The following GOLGA4 variants were observed in gnomAD, a reference collection of about 807,000 sequenced individuals.
The protein encoded by GOLGA4 is golgin A4.
Under a neutral mutation model 265.9 loss-of-function variants are expected in GOLGA4, and 169 were observed. The ratio of observed to expected loss-of-function variants is 0.64; its 90% CI spans 0.56 to 0.72. The LOEUF (loss-of-function observed/expected upper bound fraction) is 0.72. Among genes scored for constraint, GOLGA4 ranks in the 30% least tolerant of loss-of-function variants. The pLI is 0.00. For missense variants in GOLGA4, 2,482 were observed against 2,483.4 expected (o/e 1.00, Z 0.01); for synonymous variants, 923 against 855.8 (o/e 1.08, Z -1.37).
chr3:37,297,695 CCTT>C (rs1378923589), intron 7 of GOLGA4, among the ~76,000 whole-genome samples: 1 of 151,984 alleles, frequency 6.6e-6, no homozygotes, highest in Non-Finnish European at 1.5e-5. Flanking sequence ...TAGGGTTGTC[CCTT>C]CTTCATCTAA....
chr3:37,261,619 C>T (rs1237661167), intron 2 of GOLGA4, among the ~76,000 whole-genome samples: 4 of 152,100 alleles, frequency 2.6e-5, no homozygotes, highest in African/African-American at 7.2e-5. Context: ...ATTTAATTTT[C>T]TCTTTGAACT....
Position 37,326,244 on chromosome 3 carries a change from T to C in GOLGA4, c.4358T>C (p.Phe1453Ser). ...TGGAAGAAGAAAGCACAGTCAAGAT[T>C]TACACAGCATCAAAACACTGTTAAA... ...SEWKKKAQSR[F>S]TQHQNTVKEL... is the part of the protein sequence containing the mutation. The change falls in exon 14 of 24, where the codon TTT becomes TCT. Residue 1453 changes from phenylalanine (F) to serine (S), a missense_variant. Physicochemically the swap from Phe to Ser is radical, Grantham distance 155. Coordinates refer to ENST00000361924, the MANE Select transcript of GOLGA4 (RefSeq NM_002078.5). 1 of 1,613,778 alleles carries C rather than the reference T, an allele frequency of 6.2e-7. No individual in the cohort carries two copies. Among genetic ancestry groups the C allele is most frequent in the Non-Finnish European group, 8.5e-7 (1 of 1,179,760 alleles).
At chr3:37,317,951 T>C (rs1433852338) in intron 11 of GOLGA4, among the ~76,000 whole-genome samples, 1 of 152,074 alleles carries the variant, frequency 6.6e-6, no homozygotes, top group Non-Finnish European at 1.5e-5. Context: ...TTTATAAGGC[T>C]TTTCTTTAAA....
chr3:37,318,053 T>C (rs1259867037), intron 11 of GOLGA4, among the ~76,000 whole-genome samples: 6 of 152,082 alleles, frequency 3.9e-5, no homozygotes, highest in Admixed American at 6.5e-5. Context: ...GGCACTTTTA[T>C]GGTTTCATTT....
At chr3:37,284,001 G>C (rs905979224) in intron 3 of GOLGA4, among the ~76,000 whole-genome samples, 3 of 152,102 alleles carry the variant, frequency 2.0e-5, no homozygotes, top group Non-Finnish European at 4.4e-5. Context: ...TTGATTTTAG[G>C]TCTTTCTGGT....
intron 5 of GOLGA4, among the ~76,000 whole-genome samples, chr3:37,289,844 G>A (rs927586056): frequency 6.6e-6 from 1 of 152,020 alleles, no homozygotes; most frequent in African/African-American, 2.4e-5. Context: ...ATACCTTGTC[G>A]CTTCCCTCTG....
chr3:37,307,829 C>T (rs976619568), intron 10 of GOLGA4, among the ~76,000 whole-genome samples: 1 of 152,214 alleles, frequency 6.6e-6, no homozygotes, highest in African/African-American at 2.4e-5. Flanking sequence ...TTCTTTGGTG[C>T]GGGATTATAT....
At chr3:37,278,641 G>A (rs2096826022) in intron 2 of GOLGA4, among the ~76,000 whole-genome samples, 1 of 152,100 alleles carries the variant, frequency 6.6e-6, no homozygotes, top group Admixed American at 6.6e-5. Flanking sequence ...GTGATATTCA[G>A]GAAATAAGCT....
In GOLGA4 at chr3:37,366,423, G is replaced by T. The variant is rs146575448; in HGVS notation, c.*377G>T. The stretch of plus-strand genomic sequence containing the variant: ...CTTACCTTTCCTATTTATTTTTAGG[G>T]TGATTTTTTAAAAAGACTTGTGCAA... On this transcript the variant is annotated 3_prime_UTR_variant, in exon 24 of 24. Transcript: ENST00000361924. 98 of 269,818 alleles carry T rather than the reference G, an allele frequency of 3.6e-4. No individual in the cohort carries two copies. The highest frequency in any genetic ancestry group is 1.8e-3 in the African/African-American group (83 of 45,678). The allele number at this position is 269,818 out of a possible 1,614,324, so 16.7% of individuals were successfully genotyped here.
chr3:37,296,127 A>G lies in GOLGA4; in HGVS notation c.722A>G (p.Asn241Ser), dbSNP rs1224852552. ...LKQRLRNGPM[N>S]VDVLKPLPQL... ...CAACGATTACGAAATGGCCCGATGA[A>G]TGTTGATGTACTGAAACCACTTCCT... Residue 241 changes from asparagine (N) to serine (S), a missense_variant, in exon 7 of 24, where the codon AAT becomes AGT. Physicochemically the swap from Asn to Ser is conservative, Grantham distance 46. Around this residue, in one of 3 missense-constraint regions of GOLGA4, gnomAD observed 1,536 missense variants for 1,483.7 expected, o/e 1.04. Coordinates refer to ENST00000361924, the MANE Select transcript of GOLGA4 (RefSeq NM_002078.5). 1 of 1,613,526 alleles carries G rather than the reference A, an allele frequency of 6.2e-7. No individual in the cohort carries two copies. Among genetic ancestry groups the G allele is most frequent in the African/African-American group, 1.3e-5 (1 of 74,932 alleles).
intron 3 of GOLGA4, among the ~76,000 whole-genome samples, chr3:37,284,305 CCCA>C (rs1559380936): frequency 6.6e-6 from 1 of 152,012 alleles, no homozygotes; most frequent in Admixed American, 6.5e-5. Flanking sequence ...CACTCTGTAG[CCCA>C]GGGTGGAGTT....
intron 10 of GOLGA4, among the ~76,000 whole-genome samples, chr3:37,304,025 G>T (rs1305614468): frequency 1.3e-5 from 2 of 152,148 alleles, no homozygotes; most frequent in Non-Finnish European, 2.9e-5. Flanking sequence ...CAGGCATTGT[G>T]ACTCAGAGTC....
chr3:37,345,839 C>A (rs142480011), intron 20 of GOLGA4, among the ~76,000 whole-genome samples: 1 of 151,630 alleles, frequency 6.6e-6, no homozygotes. Context: ...CTCAGCTGCT[C>A]GGTAGGCTGA....
chr3:37,283,671 G>A (rs1406024886), intron 3 of GOLGA4, among the ~76,000 whole-genome samples: 2 of 151,916 alleles, frequency 1.3e-5, no homozygotes, highest in South Asian at 2.1e-4. Context: ...GACTACAGGC[G>A]CACACCACCA....
chr3:37,352,622 C>T (rs773525331), intron 21 of GOLGA4, among the ~76,000 whole-genome samples: 21 of 152,178 alleles, frequency 1.4e-4, no homozygotes, highest in Middle Eastern at 6.8e-3. Flanking sequence ...TTTTCTTCTA[C>T]GGCTTTGTCA....
At chr3:37,345,599 A>G (rs964529967) in intron 20 of GOLGA4, among the ~76,000 whole-genome samples, 1 of 152,200 alleles carries the variant, frequency 6.6e-6, no homozygotes, top group Non-Finnish European at 1.5e-5. Context: ...CAGAAATAAG[A>G]GCTATAAAGT....
At chr3:37,267,687 A>C (rs1217734170) in intron 2 of GOLGA4, among the ~76,000 whole-genome samples, 1 of 152,250 alleles carries the variant, frequency 6.6e-6, no homozygotes, top group African/African-American at 2.4e-5. Context: ...ATTGTTCCAC[A>C]AATCTATTTA....
chr3:37,319,025 C>T (rs752993272), intron 11 of GOLGA4, 38 bp from the exon 12 acceptor site: 7 of 1,431,094 alleles, frequency 4.9e-6, no homozygotes, highest in African/African-American at 1.4e-5. Flanking sequence ...ATATTTTATT[C>T]TGGGTGTCCT....
chr3:37,335,171 G>C lies in GOLGA4; in HGVS notation c.6306+5G>C. ...GAGAACCCTGGCAATGATAATGTGAGAGGAGTTTGAGTTTGCTGCACATGT... is the reference window on the plus strand; with the variant it reads ...GAGAACCCTGGCAATGATAATGTGACAGGAGTTTGAGTTTGCTGCACATGT... On this transcript the variant is annotated splice_donor_5th_base_variant and intron_variant, in intron 17 of 23. Coordinates refer to ENST00000361924, the MANE Select transcript of GOLGA4 (RefSeq NM_002078.5). The C allele has an allele frequency of 6.9e-7, 1 of 1,456,266 alleles. No individual in the cohort carries two copies. Among genetic ancestry groups the C allele is most frequent in the Non-Finnish European group, 9.6e-7 (1 of 1,043,636 alleles). 90.2% of individuals were successfully genotyped at this position (1,456,266 alleles called of 1,614,324 possible). A position where few individuals can be genotyped will look rare whatever the true frequency, so the allele number is the denominator to read the frequency against.
Sources: gnomAD v4.1 joint callset for allele counts (sites outside exome capture counted in the v4.1 genomes callset) on GRCh38, gnomAD v4.1.1 for gene constraint, gnomAD v4.1.1 regional missense constraint, MANE v1.5 for transcripts, NCBI Gene and HGNC (gene_info 2026-07-23, HGNC 2026-07-21) for gene names.